The following CEP44 variants were observed in gnomAD, a reference collection of about 807,000 sequenced individuals.
CEP44 encodes the protein centrosomal protein of 44 kDa.
Under a neutral mutation model 46.7 loss-of-function variants are expected in CEP44, and 45 were observed. The observed-to-expected ratio is 0.96, with a 90% CI of 0.76 to 1.24. CEP44 has a LOEUF of 1.24. CEP44 is among the 50% of genes most tolerant of loss of function. The pLI is 0.00. For missense variants in CEP44, 475 were observed against 459.7 expected (o/e 1.03, Z -0.30); for synonymous variants, 142 against 146.0 (o/e 0.97, Z 0.20).
Position 174,297,734 on chromosome 4 carries a change from C to T in CEP44, c.-147-232C>T, listed in dbSNP as rs903573823. On this transcript the variant is annotated intron_variant, in intron 1 of 11. Transcript: ENST00000503780. This position sits in a 1 kb window ranked among gnomAD's most constrained non-coding sequence, Gnocchi z 4.3. ...TTCGAACACTTCCTTCTGTATTGTTCGCCTTGCCTGATGTTACCAAATTTA... is the reference window on the plus strand; with the variant it reads ...TTCGAACACTTCCTTCTGTATTGTTTGCCTTGCCTGATGTTACCAAATTTA... Among the ~76,000 whole-genome samples the T allele has an allele frequency of 6.6e-6, 1 of 151,744 alleles. No individual in the cohort carries two copies. Among genetic ancestry groups the T allele is most frequent in the Non-Finnish European group, 1.5e-5 (1 of 67,964 alleles).
intron 4 of CEP44, among the ~76,000 whole-genome samples, chr4:174,303,033 G>T (rs1259346478): frequency 6.6e-6 from 1 of 152,022 alleles, no homozygotes; most frequent in Non-Finnish European, 1.5e-5. Context: ...GCCCACCTTG[G>T]CCTCCCAAAG....
At position 174,312,833 on chromosome 4, in the gene CEP44, C is replaced by T. The variant is rs1741234712; in HGVS notation, c.961+1975C>T. ...TTTGAATGCAGAGAGCAATAATTTA[C>T]TACTCTGGGTTTAGGATCATATTAA... On this transcript the variant is annotated intron_variant, in intron 9 of 11. Coordinates refer to ENST00000503780, the MANE Select transcript of CEP44 (RefSeq NM_001040157.3). The surrounding 1 kb of genome is among the most constrained non-coding windows in gnomAD (Gnocchi z 4.5). 6.6e-6 allele frequency among the ~76,000 whole-genome samples: 1 copy of T among 152,166 alleles called. No homozygotes were observed. Among genetic ancestry groups the T allele is most frequent in the Admixed American group, 6.5e-5 (1 of 15,276 alleles).
rs537729321 is a variant in CEP44 at position 174,318,324 on chromosome 4, C to T, written c.*941C>T. The T allele has an allele frequency of 6.0e-3, 5,887 of 985,096 alleles. 30 individuals carry two copies. The highest frequency in any genetic ancestry group is 6.7e-3 in the Non-Finnish European group (5,583 of 829,790). 61.0% of individuals were successfully genotyped at this position (985,096 alleles called of 1,614,324 possible). A position where few individuals can be genotyped will look rare whatever the true frequency, so the allele number is the denominator to read the frequency against. On this transcript the variant is annotated 3_prime_UTR_variant, in exon 12 of 12. Transcript: ENST00000503780. ...GTGATCTGCCTGTCTTGGCCTCCGG[C>T]GTAACACTTTTTAAGACCAGTGTAA...
At chr4:174,327,061 C>T (rs1742714215) in intron 8 of CEP44, among the ~76,000 whole-genome samples, 1 of 150,582 alleles carries the variant, frequency 6.6e-6, no homozygotes, top group Non-Finnish European at 1.5e-5. Flanking sequence ...TATATCCAAA[C>T]CAATTTTACT....
chr4:174,294,672 G>C (rs1282759591), intron 1 of CEP44, among the ~76,000 whole-genome samples: 6 of 150,252 alleles, frequency 4.0e-5, no homozygotes, highest in Non-Finnish European at 7.4e-5. Flanking sequence ...CGGGCGGGGG[G>C]CTGACCCCCC....
chr4:174,308,973 CA>C (rs1740767899), intron 7 of CEP44, 114 bp downstream of exon 7: 4 of 900,410 alleles, frequency 4.4e-6, no homozygotes, highest in Non-Finnish European at 6.9e-6. Context: ...TTAATCATGA[CA>C]TTTTATCTAT....
rs774236010 is a variant in CEP44 at position 174,310,104 on chromosome 4, T to C, written c.885+48T>C. 6.8e-7 allele frequency: 1 copy of C among 1,475,640 alleles called. No homozygotes were observed. The highest frequency in any genetic ancestry group is 9.1e-7 in the Non-Finnish European group (1 of 1,093,256). The allele number at this position is 1,475,640 out of a possible 1,614,324, so 91.4% of individuals were successfully genotyped here. On this transcript the variant is annotated intron_variant, in intron 8 of 11. Transcript: ENST00000503780. The surrounding 1 kb of genome is among the most constrained non-coding windows in gnomAD (Gnocchi z 4.2). ...ATAAAATATCTCAGATATAACAAAG[T>C]TTTTTTTTGATTGTTATATGTGTAT... is the stretch of plus-strand genomic sequence containing the variant.
intron 1 of CEP44, among the ~76,000 whole-genome samples, chr4:174,293,049 T>G (rs1738419448): frequency 6.6e-6 from 1 of 152,222 alleles, no homozygotes; most frequent in African/African-American, 2.4e-5. Context: ...GCTGGGTCCC[T>G]TGGTGAGACT....
intron 1 of CEP44, among the ~76,000 whole-genome samples, chr4:174,284,494 C>G (rs944812170): frequency 6.6e-6 from 1 of 152,170 alleles, no homozygotes; most frequent in African/African-American, 2.4e-5. Flanking sequence ...TGGCATTTCC[C>G]CAGCTTTTCA....
In CEP44 at chr4:174,290,139, C is replaced by T. The variant is rs1307956638; in HGVS notation, c.-148+6196C>T. On this transcript the variant is annotated intron_variant, in intron 1 of 11. Coordinates refer to ENST00000503780, the MANE Select transcript of CEP44 (RefSeq NM_001040157.3). The surrounding 1 kb of genome is among the most constrained non-coding windows in gnomAD (Gnocchi z 4.3). ...AAAGTGCTAGGATTATAGGCGTGAG[C>T]CACTGTGTCCTGCCTCTTTCTTCTT... Among the ~76,000 whole-genome samples, 1 of 152,146 alleles carries T rather than the reference C, an allele frequency of 6.6e-6. No homozygotes were observed. The highest frequency in any genetic ancestry group is 2.4e-5 in the African/African-American group (1 of 41,438).
At chr4:174,294,456 C>T (rs879735323) in intron 1 of CEP44, among the ~76,000 whole-genome samples, 4 of 151,816 alleles carry the variant, frequency 2.6e-5, no homozygotes, top group Admixed American at 2.6e-4. Flanking sequence ...TCTACACAGA[C>T]ATGGCAACCA....
chr4:174,320,277 G>A lies in CEP44; in HGVS notation c.*2894G>A. The A allele has an allele frequency of 1.0e-6, 1 of 980,902 alleles. No individual in the cohort carries two copies. Among genetic ancestry groups the A allele is most frequent in the African/African-American group, 1.8e-5 (1 of 57,138 alleles). 60.8% of individuals were successfully genotyped at this position (980,902 alleles called of 1,614,324 possible). On this transcript the variant is annotated 3_prime_UTR_variant, in exon 12 of 12. Coordinates refer to ENST00000503780, the MANE Select transcript of CEP44 (RefSeq NM_001040157.3). ...TCATGTTTGCTTGTTTTCCTCTACT[G>A]TTTTTAATGTGATGTTGTAATATAT...
intron 8 of CEP44, among the ~76,000 whole-genome samples, chr4:174,328,535 G>T (rs1731129446): frequency 6.6e-6 from 1 of 152,196 alleles, no homozygotes; most frequent in Admixed American, 6.5e-5. Context: ...ATAAGACAGT[G>T]TTTGAAATGC....
At chr4:174,292,578 C>T (rs1738362752) in intron 1 of CEP44, among the ~76,000 whole-genome samples, 1 of 152,114 alleles carries the variant, frequency 6.6e-6, no homozygotes, top group Non-Finnish European at 1.5e-5. Flanking sequence ...ATTTCTTCCT[C>T]TAATTGTATA....
downstream of CEP44, among the ~76,000 whole-genome samples, chr4:174,324,672 C>T (rs1742541725): frequency 6.6e-6 from 1 of 152,012 alleles, no homozygotes; most frequent in Non-Finnish European, 1.5e-5. Context: ...CCAGAGGATC[C>T]CCTCCTCACT....
In CEP44 at chr4:174,309,075, G is replaced by A. The variant is rs1053129984; in HGVS notation, c.678+216G>A. 6.6e-6 allele frequency among the ~76,000 whole-genome samples: 1 copy of A among 152,076 alleles called. No homozygotes were observed. The highest frequency in any genetic ancestry group is 1.5e-5 in the Non-Finnish European group (1 of 67,962). On this transcript the variant is annotated intron_variant, in intron 7 of 11. Transcript: ENST00000503780. This position sits in a 1 kb window ranked among gnomAD's most constrained non-coding sequence, Gnocchi z 5.3. ...GTAGGGTGCTGGGCTAAGTGTTGGG[G>A]TGATGCAAAGTAGAATAAGATATGG...
At position 174,310,498 on chromosome 4, in the gene CEP44, T is replaced by C. The variant is rs1168021309; in HGVS notation, c.886-285T>C. ...CATAGAATAGTTACCAGATTTACCATTGCCTTATCAAATCTGAGAAATTTG... is the reference window on the plus strand; with the variant it reads ...CATAGAATAGTTACCAGATTTACCACTGCCTTATCAAATCTGAGAAATTTG... On this transcript the variant is annotated intron_variant, in intron 8 of 11. Transcript: ENST00000503780. This position sits in a 1 kb window ranked among gnomAD's most constrained non-coding sequence, Gnocchi z 4.2. Among the ~76,000 whole-genome samples the C allele has an allele frequency of 3.3e-5, 5 of 151,962 alleles. No homozygotes were observed. In the South Asian group the frequency reaches 6.2e-4, roughly 19 times the overall value.
At chr4:174,324,747 C>T (rs1407000229), downstream of CEP44, among the ~76,000 whole-genome samples, 3 of 152,132 alleles carry the variant, frequency 2.0e-5, no homozygotes, top group Admixed American at 1.3e-4. Context: ...CAGACACTTA[C>T]CCCTGAGTAG....
intron 1 of CEP44, among the ~76,000 whole-genome samples, chr4:174,296,181 C>G (rs1412900629): frequency 6.6e-6 from 1 of 152,130 alleles, no homozygotes; most frequent in African/African-American, 2.4e-5. Flanking sequence ...TGATATTCTT[C>G]CTATGTGATC....
Sources: gnomAD v4.1 joint callset for allele counts (sites outside exome capture counted in the v4.1 genomes callset) on GRCh38, gnomAD v4.1.1 for gene constraint, Gnocchi (gnomAD v3.1) non-coding constraint, MANE v1.5 for transcripts, NCBI Gene and HGNC (gene_info 2026-07-23, HGNC 2026-07-21) for gene names.